The following PTPRT variants were observed in gnomAD, a reference collection of about 807,000 sequenced individuals.
The protein encoded by PTPRT is protein tyrosine phosphatase receptor type T.
In PTPRT, 56 loss-of-function variants were observed where a neutral mutation model predicts 176.8. The ratio of observed to expected loss-of-function variants is 0.32; its 90% CI spans 0.26 to 0.40. The LOEUF (loss-of-function observed/expected upper bound fraction) is 0.40, where lower values mean the gene tolerates loss of function less well. Among genes scored for constraint, PTPRT ranks in the 10% least tolerant of loss-of-function variants. The pLI, the probability that PTPRT is intolerant of heterozygous loss-of-function variation, is 1.00. For missense variants in PTPRT, 1,540 were observed against 1,908.2 expected (o/e 0.81, Z 3.60); for synonymous variants, 783 against 739.0 (o/e 1.06, Z -0.96).
chr20:42,033,432 T>C, the PTPRT span, among the ~76,000 whole-genome samples: 1 of 152,182 alleles, frequency 6.6e-6, no homozygotes, highest in African/African-American at 2.4e-5. Context: ...CTGGACACTG[T>C]GCTCCACCCA....
intron 9 of PTPRT, among the ~76,000 whole-genome samples, chr20:42,407,678 G>T (rs1046208034): frequency 6.6e-6 from 1 of 151,940 alleles, no homozygotes; most frequent in Non-Finnish European, 1.5e-5. Context: ...ACTTAGTAAA[G>T]AAATGAGATA....
intron 7 of PTPRT, among the ~76,000 whole-genome samples, chr20:42,626,020 A>G (rs2074283017): frequency 1.3e-5 from 2 of 151,970 alleles, no homozygotes; most frequent in South Asian, 2.1e-4. Context: ...AGAGCCAGCA[A>G]TACTGGCTGT....
intron 17 of PTPRT, among the ~76,000 whole-genome samples, chr20:42,147,086 ACT>A (rs1294092150): frequency 2.6e-5 from 4 of 152,166 alleles, no homozygotes; most frequent in African/African-American, 9.7e-5. Context: ...TAATAATTTA[ACT>A]CTATTTCTCA....
At chr20:42,804,309 C>A (rs1379777744) in intron 2 of PTPRT, among the ~76,000 whole-genome samples, 1 of 152,080 alleles carries the variant, frequency 6.6e-6, no homozygotes, top group African/African-American at 2.4e-5. Flanking sequence ...CTTTTTGTAC[C>A]AAAATGCACT....
chr20:42,214,067 T>A (rs922290173), intron 15 of PTPRT, among the ~76,000 whole-genome samples: 6 of 152,172 alleles, frequency 3.9e-5, no homozygotes, highest in Admixed American at 3.9e-4. Flanking sequence ...AGGAGTATTA[T>A]TAGTTCCATT....
At chr20:42,928,763 C>T (rs555146975) in intron 1 of PTPRT, among the ~76,000 whole-genome samples, 49 of 152,280 alleles carry the variant, frequency 3.2e-4, no homozygotes, top group African/African-American at 1.2e-3. Context: ...TTCTCTTCTC[C>T]AGGTGAGAAA....
At chr20:42,245,931 GT>G (rs2056442496) in intron 14 of PTPRT, among the ~76,000 whole-genome samples, 1 of 152,220 alleles carries the variant, frequency 6.6e-6, no homozygotes, top group Non-Finnish European at 1.5e-5. Context: ...TGGAGGGGTT[GT>G]AGCAGTGTTG....
chr20:42,459,951 G>A (rs2070990486), intron 8 of PTPRT, among the ~76,000 whole-genome samples: 1 of 152,198 alleles, frequency 6.6e-6, no homozygotes, highest in Non-Finnish European at 1.5e-5. Flanking sequence ...AAAAGCCAGG[G>A]CCTCAGTTCT....
At chr20:43,127,395 C>T (rs1343368017) in intron 1 of PTPRT, among the ~76,000 whole-genome samples, 1 of 150,910 alleles carries the variant, frequency 6.6e-6, no homozygotes, top group East Asian at 1.9e-4. Flanking sequence ...TGCACTCCTG[C>T]CTGGGCAACA....
intron 1 of PTPRT, among the ~76,000 whole-genome samples, chr20:43,123,299 C>T (rs775580525): frequency 1.4e-4 from 22 of 152,310 alleles, no homozygotes; most frequent in Non-Finnish European, 3.1e-4. Context: ...AGCAAACATG[C>T]CCATGACCTA....
chr20:42,394,794 AT>A (rs2058833610), intron 9 of PTPRT, among the ~76,000 whole-genome samples: 7 of 152,212 alleles, frequency 4.6e-5, no homozygotes, highest in Admixed American at 4.6e-4. Context: ...CAGTGCAATA[AT>A]GAACAACTAG....
intron 7 of PTPRT, among the ~76,000 whole-genome samples, chr20:42,561,119 A>G (rs886467933): frequency 1.3e-5 from 2 of 152,224 alleles, no homozygotes; most frequent in African/African-American, 2.4e-5. Flanking sequence ...CCTTTGCTAC[A>G]TTTAAGGACT....
At chr20:42,974,978 A>G (rs1309811878) in intron 1 of PTPRT, among the ~76,000 whole-genome samples, 1 of 152,228 alleles carries the variant, frequency 6.6e-6, no homozygotes, top group African/African-American at 2.4e-5. Flanking sequence ...GTTTTAAAAA[A>G]TAACTAGAAT....
intron 1 of PTPRT, among the ~76,000 whole-genome samples, chr20:42,945,532 C>G (rs112612402): frequency 6.6e-6 from 1 of 152,220 alleles, no homozygotes; most frequent in African/African-American, 2.4e-5. Context: ...CCAGCGGATG[C>G]TCCCTGCTTC....
At chr20:42,351,535 T>C (rs1415222348) in intron 10 of PTPRT, among the ~76,000 whole-genome samples, 1 of 152,210 alleles carries the variant, frequency 6.6e-6, no homozygotes, top group Non-Finnish European at 1.5e-5. Context: ...AATATGTATG[T>C]ATGCAGACCA....
intron 1 of PTPRT, among the ~76,000 whole-genome samples, chr20:42,904,715 C>G (rs142686096): frequency 6.6e-6 from 1 of 152,116 alleles, no homozygotes; most frequent in African/African-American, 2.4e-5. Context: ...GCCCACCACA[C>G]CCCCATCCTG....
chr20:42,613,760 C>G (rs2074014849), intron 7 of PTPRT, among the ~76,000 whole-genome samples: 1 of 152,166 alleles, frequency 6.6e-6, no homozygotes, highest in Non-Finnish European at 1.5e-5. Flanking sequence ...ATCCCTTAGT[C>G]TTTCCTTTTC....
intron 15 of PTPRT, among the ~76,000 whole-genome samples, chr20:42,211,861 G>A (rs968877482): frequency 2.6e-5 from 4 of 151,538 alleles, no homozygotes; most frequent in Admixed American, 6.6e-5. Context: ...TGTTTATTGC[G>A]GCGTTATTCA....
Position 42,905,764 on chromosome 20 carries a change from G to T in PTPRT, c.89-19832C>A, listed in dbSNP as rs568491004. 9.9e-5 allele frequency among the ~76,000 whole-genome samples: 15 copies of T among 152,282 alleles called. No individual in the cohort carries two copies. In the East Asian group the frequency reaches 2.7e-3, roughly 27 times the overall value. ...AAAAAAGGATGAGTTCATGTCCTTTGTAGGGTCATGGATGAAGCTAGAAAC... is the reference window on the plus strand; with the variant it reads ...AAAAAAGGATGAGTTCATGTCCTTTTTAGGGTCATGGATGAAGCTAGAAAC... On this transcript the variant is annotated intron_variant, in intron 1 of 30. Coordinates refer to ENST00000373187, the MANE Select transcript of PTPRT (RefSeq NM_007050.6).
Sources: allele counts gnomAD v4.1 joint callset (sites outside exome capture counted in the v4.1 genomes callset), GRCh38; gene constraint gnomAD v4.1.1; transcripts MANE v1.5; gene names NCBI Gene and HGNC (gene_info 2026-07-23, HGNC 2026-07-21).